The following VEPH1 variants were observed in gnomAD, a reference collection of about 807,000 sequenced individuals.
The protein encoded by VEPH1 is ventricular zone expressed PH domain containing 1.
Under a neutral mutation model 85.2 loss-of-function variants are expected in VEPH1, and 80 were observed. That is an observed-to-expected ratio of 0.94 (90% confidence interval 0.78 to 1.13). VEPH1 has a LOEUF of 1.13. Ranked by LOEUF, VEPH1 falls within the 50% of genes most tolerant of loss-of-function variation. The pLI, the probability that VEPH1 is intolerant of heterozygous loss-of-function variation, is 0.00. For missense variants in VEPH1, 955 were observed against 980.5 expected, an observed-to-expected ratio of 0.97 and a Z score of 0.35; for synonymous variants, 297 against 348.0, an observed-to-expected ratio of 0.85 and a Z score of 1.63.
chr3:157,413,086 AATTAT>A (rs1731646952), intron 6 of VEPH1, among the ~76,000 whole-genome samples: 1 of 152,146 alleles, frequency 6.6e-6, no homozygotes, highest in African/African-American at 2.4e-5. Flanking sequence ...TTGAATAGCT[AATTAT>A]ATTATATATA....
intron 4 of VEPH1, chr3:157,437,524 G>T (rs1211588515): frequency 6.2e-7 from 1 of 1,605,988 alleles, no homozygotes; most frequent in Admixed American, 1.7e-5. Context: ...CACGCCGTGC[G>T]CCTGCGGTCA....
chr3:157,274,964 G>A (rs934235157), intron 12 of VEPH1, among the ~76,000 whole-genome samples: 1 of 152,074 alleles, frequency 6.6e-6, no homozygotes, highest in Admixed American at 6.6e-5. Context: ...TGTTATCTGT[G>A]GTTGCTTCCT....
intron 6 of VEPH1, among the ~76,000 whole-genome samples, chr3:157,406,459 T>C (rs1731145640): frequency 6.6e-6 from 1 of 152,152 alleles, no homozygotes. Flanking sequence ...GAAAGTGTTT[T>C]TGTAGGCCTG....
intron 6 of VEPH1, among the ~76,000 whole-genome samples, chr3:157,412,850 C>A (rs1731632581): frequency 6.6e-6 from 1 of 152,104 alleles, no homozygotes; most frequent in Non-Finnish European, 1.5e-5. Flanking sequence ...CACTATAATT[C>A]TCAGAAGAAA....
chr3:157,302,110 C>T (rs1718875791), intron 11 of VEPH1, among the ~76,000 whole-genome samples: 1 of 152,188 alleles, frequency 6.6e-6, no homozygotes, highest in African/African-American at 2.4e-5. Context: ...CATTTCCCCT[C>T]ACACTTACAT....
At chr3:157,415,488 A>G (rs1216565515) in intron 5 of VEPH1, among the ~76,000 whole-genome samples, 1 of 152,176 alleles carries the variant, frequency 6.6e-6, no homozygotes, top group African/African-American at 2.4e-5. Context: ...AGCTGAGATC[A>G]CTGACCCAGG....
At chr3:157,334,056 C>T (rs1722740891) in intron 9 of VEPH1, among the ~76,000 whole-genome samples, 1 of 152,134 alleles carries the variant, frequency 6.6e-6, no homozygotes, top group Non-Finnish European at 1.5e-5. Flanking sequence ...TATATAGGAC[C>T]TCCACATAGT....
At chr3:157,363,228 T>C in intron 9 of VEPH1, 136 bp downstream of exon 9, 3 of 767,430 alleles carry the variant, frequency 3.9e-6, no homozygotes, top group East Asian at 5.6e-5. Flanking sequence ...ACTAACATAA[T>C]GTAAGGTATT....
Position 157,346,692 on chromosome 3 carries a change from C to G in VEPH1, c.1735+16672G>C, listed in dbSNP as rs111671939. On this transcript the variant is annotated intron_variant, in intron 9 of 13. Coordinates refer to ENST00000362010, the MANE Select transcript of VEPH1 (RefSeq NM_001167912.2). The stretch of plus-strand genomic sequence containing the variant: ...GTGCAATCACACTTCACTGCAGCCT[C>G]AACCTCCTGGCTCAAGCAATCTTCC... Among the ~76,000 whole-genome samples the G allele has an allele frequency of 2.4e-4, 37 of 152,228 alleles. 1 individual carries two copies. The highest frequency in any genetic ancestry group is 8.9e-4 in the African/African-American group (37 of 41,538).
chr3:157,333,278 G>T (rs1230152630), intron 9 of VEPH1, among the ~76,000 whole-genome samples: 1 of 152,100 alleles, frequency 6.6e-6, no homozygotes, highest in African/African-American at 2.4e-5. Context: ...CTCAGTTCTG[G>T]GATGAGGAAT....
chr3:157,358,827 C>G (rs911693540), intron 9 of VEPH1, among the ~76,000 whole-genome samples: 6 of 152,160 alleles, frequency 3.9e-5, no homozygotes, highest in Non-Finnish European at 8.8e-5. Flanking sequence ...GAAACCCCGT[C>G]CCTACTAAAA....
At chr3:157,361,127 G>A (rs1035484802) in intron 9 of VEPH1, among the ~76,000 whole-genome samples, 1 of 152,112 alleles carries the variant, frequency 6.6e-6, no homozygotes, top group Non-Finnish European at 1.5e-5. Context: ...AGCAAAGTAG[G>A]CAATTGTAAA....
At chr3:157,442,024 T>C (rs1734161084) in intron 4 of VEPH1, among the ~76,000 whole-genome samples, 1 of 152,166 alleles carries the variant, frequency 6.6e-6, no homozygotes, top group South Asian at 2.1e-4. Flanking sequence ...CTGATAGTGA[T>C]TCAACTTTTT....
rs573268701 is a variant in VEPH1, at chr3:157,297,763, G to C, written c.2011-11089C>G. ...GAGGGAATAATGACAAGCATAAAAG[G>C]AGGGATTTAATACGACGAAGAAAGA... is the stretch of plus-strand genomic sequence containing the variant. On this transcript the variant is annotated intron_variant, in intron 11 of 13. Transcript: ENST00000362010. 2.6e-5 allele frequency among the ~76,000 whole-genome samples: 4 copies of C among 152,254 alleles called. No homozygotes were observed. The South Asian group carries it at 8.3e-4, about 32-fold the overall frequency.
At chr3:157,357,568 C>T (rs909443586) in intron 9 of VEPH1, among the ~76,000 whole-genome samples, 5 of 151,724 alleles carry the variant, frequency 3.3e-5, no homozygotes, top group East Asian at 1.9e-4. Context: ...TCTCGGCTCA[C>T]TGCAACCTCT....
chr3:157,443,019 AC>A (rs772288594), intron 4 of VEPH1: 6 of 1,549,222 alleles, frequency 3.9e-6, no homozygotes, highest in Non-Finnish European at 5.2e-6. Flanking sequence ...AAAGAAACTC[AC>A]ACTTAAAACA....
intron 9 of VEPH1, among the ~76,000 whole-genome samples, chr3:157,357,595 C>T (rs1183879436): frequency 1.3e-5 from 2 of 151,720 alleles, no homozygotes. Flanking sequence ...CAGGTTCAAG[C>T]GATTCTCCTG....
intron 9 of VEPH1, among the ~76,000 whole-genome samples, chr3:157,331,251 G>A (rs774923830): frequency 3.6e-4 from 55 of 152,160 alleles, no homozygotes; most frequent in Non-Finnish European, 1.6e-4. Flanking sequence ...AAGTGATACC[G>A]TCTGGAGTTC....
At chr3:157,271,337 C>T (rs1408849065) in intron 12 of VEPH1, among the ~76,000 whole-genome samples, 2 of 152,120 alleles carry the variant, frequency 1.3e-5, no homozygotes, top group African/African-American at 4.8e-5. Flanking sequence ...ATGTGTCAGG[C>T]AGGGTCTTGG....
Sources: gnomAD v4.1 joint callset for allele counts (sites outside exome capture counted in the v4.1 genomes callset) on GRCh38, gnomAD v4.1.1 for gene constraint, MANE v1.5 for transcripts, NCBI Gene and HGNC (gene_info 2026-07-23, HGNC 2026-07-21) for gene names.